Variants in FAM227B observed in about 807,000 individuals in gnomAD.
FAM227B encodes the protein family with sequence similarity 227 member B, also known as protein FAM227B.
In FAM227B, 88 loss-of-function variants were observed where a neutral mutation model predicts 73.8. The observed-to-expected ratio is 1.19, with a 90% CI of 1.00 to 1.42. The LOEUF (loss-of-function observed/expected upper bound fraction) is 1.42, where lower values mean the gene tolerates loss of function less well. Among genes scored for constraint, FAM227B ranks in the 40% most tolerant of loss-of-function variants. FAM227B has a pLI of 0.00. For synonymous variants in FAM227B, 210 were observed against 190.5 expected (o/e 1.10, Z -0.84); for missense variants, 632 against 590.9 (o/e 1.07, Z -0.72).
chr15:49,404,698 G>A (rs939201663), intron 11 of FAM227B, among the ~76,000 whole-genome samples: 12 of 151,866 alleles, frequency 7.9e-5, no homozygotes, highest in Non-Finnish European at 1.6e-4. Context: ...ATACCAATGG[G>A]TCTTGGTTCT....
chr15:49,379,950 T>C (rs772152028), intron 11 of FAM227B, among the ~76,000 whole-genome samples: 1 of 152,200 alleles, frequency 6.6e-6, no homozygotes, highest in Non-Finnish European at 1.5e-5. Flanking sequence ...GGCAAAGCCA[T>C]CCTGGCCTAT....
At chr15:49,579,073 A>G (rs988429303) in intron 5 of FAM227B, among the ~76,000 whole-genome samples, 2 of 152,226 alleles carry the variant, frequency 1.3e-5, no homozygotes, top group Admixed American at 1.3e-4. Context: ...AACATCACAA[A>G]TCATCAGAGA....
chr15:49,353,967 A>C (rs1444680309), intron 13 of FAM227B: 1 of 152,206 alleles, frequency 6.6e-6, no homozygotes, highest in East Asian at 1.9e-4. Context: ...ATGTGTGTTC[A>C]TGTGATGAAG....
At chr15:49,601,546 T>G (rs770686566) in intron 3 of FAM227B, among the ~76,000 whole-genome samples, 8 of 152,190 alleles carry the variant, frequency 5.3e-5, no homozygotes, top group Non-Finnish European at 1.2e-4. Context: ...ATGGGGTATA[T>G]GAGAGGTTTT....
chr15:49,480,802 G>A (rs1046422932), intron 11 of FAM227B, among the ~76,000 whole-genome samples: 1 of 152,100 alleles, frequency 6.6e-6, no homozygotes, highest in African/African-American at 2.4e-5. Context: ...GTAAAGTGCA[G>A]TAAAGAAACA....
chr15:49,452,660 A>G (rs1232568346), intron 11 of FAM227B, among the ~76,000 whole-genome samples: 1 of 152,170 alleles, frequency 6.6e-6, no homozygotes, highest in East Asian at 1.9e-4. Context: ...CAAATCTGAG[A>G]TTTGAGAGAA....
chr15:49,502,924 A>G (rs575194903), intron 11 of FAM227B, among the ~76,000 whole-genome samples: 1 of 152,286 alleles, frequency 6.6e-6, no homozygotes, highest in African/African-American at 2.4e-5. Context: ...GAGTTAACAC[A>G]AAATCTGGTT....
chr15:49,332,087 CCACA>C (rs377139081), intron 14 of FAM227B, among the ~76,000 whole-genome samples: 5,972 of 127,764 alleles, frequency 0.047, 347 homozygotes, highest in African/African-American at 0.12. Context: ...TGCACACGTG[CCACA>C]CACACACACA....
chr15:49,589,990 T>C lies in FAM227B; in HGVS notation c.123A>G (p.Glu41=), dbSNP rs1275469272. ...ATTTATCATCATCTCTAAAATGGAT[T>C]TCCCTTGGCCAATAATCCTGCAAAA... ...KFQNWDYWPR[E]IHFRDDDKWS... The change falls in exon 4 of 16, where the codon GAA becomes GAG. Residue 41 remains glutamate, a synonymous_variant. Transcript: ENST00000299338. 1.3e-6 allele frequency: 2 copies of C among 1,595,624 alleles called. No homozygotes were observed. The highest frequency in any genetic ancestry group is 1.7e-6 in the Non-Finnish European group (2 of 1,164,472).
intron 11 of FAM227B, chr15:49,396,557 C>T (rs2047659146): frequency 6.3e-6 from 1 of 158,504 alleles, no homozygotes; most frequent in Non-Finnish European, 1.4e-5. Context: ...CACAGACAAA[C>T]AAAAAGACAA....
intron 2 of FAM227B, 165 bp downstream of exon 2, chr15:49,614,956 A>G (rs2078194911): frequency 3.0e-6 from 2 of 666,308 alleles, no homozygotes; most frequent in South Asian, 1.7e-5. Flanking sequence ...CCTTGGCAAT[A>G]CTCATCTCAG....
At chr15:49,521,154 C>G (rs1483692250) in intron 10 of FAM227B, among the ~76,000 whole-genome samples, 1 of 152,180 alleles carries the variant, frequency 6.6e-6, no homozygotes. Flanking sequence ...ACTGTCTCAT[C>G]CAGGGAATCT....
chr15:49,534,780 A>T (rs2060885570), intron 10 of FAM227B, among the ~76,000 whole-genome samples: 1 of 151,854 alleles, frequency 6.6e-6, no homozygotes, highest in African/African-American at 2.4e-5. Context: ...GCCAGAAACT[A>T]CAAGTTAATA....
At chr15:49,606,317 T>G (rs1225681111) in intron 3 of FAM227B, 1 of 152,216 alleles carries the variant, frequency 6.6e-6, no homozygotes, top group East Asian at 1.9e-4. Flanking sequence ...GAGTTCACAC[T>G]GATGCCTCTA....
chr15:49,408,043 T>C (rs1414406985), intron 11 of FAM227B, among the ~76,000 whole-genome samples: 1 of 152,188 alleles, frequency 6.6e-6, no homozygotes, highest in African/African-American at 2.4e-5. Context: ...TGAGTAGTAT[T>C]TCATCCTTTT....
At chr15:49,515,490 TTTTC>T (rs1413714004) in intron 10 of FAM227B, among the ~76,000 whole-genome samples, 2 of 152,194 alleles carry the variant, frequency 1.3e-5, no homozygotes, top group African/African-American at 2.4e-5. Context: ...CTTGACAGTG[TTTTC>T]TTTTTCTATG....
chr15:49,468,802 C>T (rs1427710620), intron 11 of FAM227B, among the ~76,000 whole-genome samples: 1 of 152,112 alleles, frequency 6.6e-6, no homozygotes, highest in East Asian at 1.9e-4. Context: ...GGTCCTATCC[C>T]AATACTAGCA....
chr15:49,464,242 G>A (rs1597367659), intron 11 of FAM227B, among the ~76,000 whole-genome samples: 2 of 152,100 alleles, frequency 1.3e-5, no homozygotes, highest in Admixed American at 1.3e-4. Flanking sequence ...TTTATTTCCC[G>A]AAGGATATTT....
chr15:49,536,072 C>CAAAAAAAAAAAAAAAAAGAAAAAAAA (rs2070198014), intron 10 of FAM227B, among the ~76,000 whole-genome samples: 1 of 114,012 alleles, frequency 8.8e-6, no homozygotes, highest in Non-Finnish European at 1.8e-5. Flanking sequence ...GGCAATCAGA[C>CAAAAAAAAAAAAAAAAAGAAAAAAAA]AAAAAAAAAA....
Sources: allele counts gnomAD v4.1 joint callset (sites outside exome capture counted in the v4.1 genomes callset), GRCh38; gene constraint gnomAD v4.1.1; transcripts MANE v1.5; gene names NCBI Gene and HGNC (gene_info 2026-07-23, HGNC 2026-07-21).